TEX10: variants seen among roughly 807,000 people sequenced by gnomAD.
TEX10 encodes testis-expressed protein 10.
In TEX10, 24 loss-of-function variants were observed where a neutral mutation model predicts 104.4. That is an observed-to-expected ratio of 0.23 (90% CI 0.17 to 0.32). The LOEUF (loss-of-function observed/expected upper bound fraction) is 0.32, where lower values mean the gene tolerates loss of function less well. TEX10 is among the 10% of genes least tolerant of loss of function. TEX10 has a pLI of 1.00. For missense variants in TEX10, 921 were observed against 1,083.9 expected, an observed-to-expected ratio of 0.85 and a Z score of 2.11; for synonymous variants, 396 against 393.4, an observed-to-expected ratio of 1.01 and a Z score of -0.08.
intron 5 of TEX10, among the ~76,000 whole-genome samples, chr9:100,331,585 A>T (rs1435947139): frequency 1.3e-5 from 2 of 152,228 alleles, no homozygotes; most frequent in Non-Finnish European, 2.9e-5. Context: ...AAATAAAAGA[A>T]ATCTGGCATT....
Position 100,327,042 on chromosome 9 carries a change from A to G in TEX10, c.1802-563T>C, listed in dbSNP as rs80199291. On this transcript the variant is annotated intron_variant, in intron 8 of 14. Transcript: ENST00000374902. ...ATTGATACTTGTTACAACACGGACA[A>G]ATCTTGAAAATATTATGCTAAGTGA... 5.9e-3 allele frequency among the ~76,000 whole-genome samples: 902 copies of G among 152,312 alleles called. 60 individuals carry two copies. In the East Asian group the frequency reaches 0.14, roughly 23 times the overall value.
chr9:100,352,614 A>C, intron 1 of TEX10, 158 bp downstream of exon 1: 1 of 1,478,468 alleles, frequency 6.8e-7, no homozygotes, highest in East Asian at 2.5e-5. Context: ...CCGCACACCC[A>C]GGCCCAGCTC....
rs1331702681 is a variant in TEX10, at chr9:100,352,404, C to T, written c.-10+368G>A. ...TCCGTATTCGGTCCTGCATCCATCC[C>T]AGAGGCGAACACACCATGGGTTTTA... On this transcript the variant is annotated intron_variant, in intron 1 of 14. Coordinates refer to ENST00000374902, the MANE Select transcript of TEX10 (RefSeq NM_017746.4). The T allele has an allele frequency of 2.6e-6, 4 of 1,551,650 alleles. No homozygotes were observed. The Admixed American group carries it at 5.9e-5, about 23-fold the overall frequency.
chr9:100,330,280 T>A, intron 5 of TEX10, 111 bp from the exon 6 acceptor site: 1 of 834,838 alleles, frequency 1.2e-6, no homozygotes, highest in Non-Finnish European at 1.9e-6. Context: ...CTTCTAGAAT[T>A]AATAGATGGC....
intron 11 of TEX10, among the ~76,000 whole-genome samples, chr9:100,315,864 TATA>T (rs1181893034): frequency 6.6e-6 from 1 of 152,230 alleles, no homozygotes; most frequent in Non-Finnish European, 1.5e-5. Flanking sequence ...ACAGTCTGAT[TATA>T]ATATGTCACG....
intron 13 of TEX10, chr9:100,306,054 G>A (rs558001272): frequency 8.6e-5 from 13 of 151,984 alleles, no homozygotes; most frequent in Non-Finnish European, 1.6e-4. Flanking sequence ...CCAAGAACAC[G>A]CGAAAATGAC....
intron 7 of TEX10, among the ~76,000 whole-genome samples, 164 bp downstream of exon 7, chr9:100,328,976 C>T (rs1229267540): frequency 3.9e-5 from 6 of 152,098 alleles, no homozygotes; most frequent in Non-Finnish European, 7.4e-5. Flanking sequence ...GGCACTATTA[C>T]GTATGCATCT....
chr9:100,322,278 A>T (rs10117799), intron 9 of TEX10, among the ~76,000 whole-genome samples: 29 of 152,156 alleles, frequency 1.9e-4, no homozygotes, highest in African/African-American at 6.5e-4. Context: ...AGTTGTAACT[A>T]GGTCTATTTC....
chr9:100,332,804 G>A (rs946706038), intron 5 of TEX10, among the ~76,000 whole-genome samples: 1 of 150,498 alleles, frequency 6.6e-6, no homozygotes, highest in African/African-American at 2.4e-5. Flanking sequence ...CTGGGTGACA[G>A]AGCGAAACTC....
intron 5 of TEX10, among the ~76,000 whole-genome samples, chr9:100,338,705 T>C (rs542835194): frequency 6.6e-6 from 1 of 152,172 alleles, no homozygotes; most frequent in African/African-American, 2.4e-5. Flanking sequence ...CTGGCTAATA[T>C]GGTGAAAGAA....
intron 11 of TEX10, among the ~76,000 whole-genome samples, chr9:100,314,054 T>C (rs1834350249): frequency 6.6e-6 from 1 of 151,440 alleles, no homozygotes; most frequent in Admixed American, 6.6e-5. Flanking sequence ...TGTGAATCCA[T>C]CTGGTTCTGG....
intron 4 of TEX10, among the ~76,000 whole-genome samples, chr9:100,344,743 G>C (rs1366543632): frequency 6.6e-6 from 1 of 152,184 alleles, no homozygotes; most frequent in Admixed American, 6.5e-5. Context: ...CTACTCAAGA[G>C]GCTGAGGCAG....
chr9:100,325,290 A>G (rs181375667), intron 9 of TEX10, among the ~76,000 whole-genome samples: 1 of 152,346 alleles, frequency 6.6e-6, no homozygotes, highest in Non-Finnish European at 1.5e-5. Context: ...GCTGAATACT[A>G]AAATACTATG....
At position 100,347,065 on chromosome 9, in the gene TEX10, T is replaced by G. The variant is rs928192845; in HGVS notation, c.522A>C (p.Leu174=). Residue 174 remains leucine, a synonymous_variant, in exon 3 of 15, where the codon CTA becomes CTC. Transcript: ENST00000374902. ...GCAATATGCTGCTACGGCCAGTAAT[T>G]AGAGCTGGGTACTGTTCCAGCAGAA... ...LDILLEQYPA[L]ITGRSSILLK... 6.2e-7 allele frequency: 1 copy of G among 1,614,194 alleles called. No homozygotes were observed. The highest frequency in any genetic ancestry group is 8.5e-7 in the Non-Finnish European group (1 of 1,180,020).
chr9:100,325,832 C>T (rs893590200), intron 9 of TEX10, among the ~76,000 whole-genome samples: 2 of 152,034 alleles, frequency 1.3e-5, no homozygotes, highest in Non-Finnish European at 2.9e-5. Flanking sequence ...CCTGGCAAAA[C>T]TTTTCAAGAA....
intron 5 of TEX10, among the ~76,000 whole-genome samples, chr9:100,336,609 G>A (rs1200753067): frequency 6.6e-6 from 1 of 152,116 alleles, no homozygotes; most frequent in East Asian, 1.9e-4. Context: ...ATGGTAAACT[G>A]TAAAACTGTT....
intron 4 of TEX10, among the ~76,000 whole-genome samples, chr9:100,343,336 CAA>C (rs754079763): frequency 5.9e-5 from 7 of 118,288 alleles, no homozygotes; most frequent in Admixed American, 8.4e-5. Context: ...TAAGGGAATG[CAA>C]AAAAAAAAAA....
intron 5 of TEX10, among the ~76,000 whole-genome samples, chr9:100,339,942 T>C (rs917400370): frequency 6.6e-6 from 1 of 152,076 alleles, no homozygotes; most frequent in Admixed American, 6.6e-5. Context: ...GCTTAAGAGG[T>C]TCAATAATCA....
intron 4 of TEX10, among the ~76,000 whole-genome samples, chr9:100,341,305 G>C (rs1232672065): frequency 6.6e-6 from 1 of 152,048 alleles, no homozygotes; most frequent in Non-Finnish European, 1.5e-5. Flanking sequence ...ATCTTTACTG[G>C]GTTCTCTTCT....
Sources: gnomAD v4.1 joint callset for allele counts (sites outside exome capture counted in the v4.1 genomes callset) on GRCh38, gnomAD v4.1.1 for gene constraint, MANE v1.5 for transcripts, NCBI Gene and HGNC (gene_info 2026-07-23, HGNC 2026-07-21) for gene names.